Variants in CALD1 observed in about 807,000 individuals in gnomAD.
The protein encoded by CALD1 is caldesmon.
CALD1 carries 33 observed loss-of-function variants against 99.9 expected under a neutral mutation model. The ratio of observed to expected loss-of-function variants is 0.33; its 90% confidence interval spans 0.25 to 0.44. CALD1 has a LOEUF of 0.44. Ranked by LOEUF, CALD1 falls within the 20% of genes least tolerant of loss-of-function variation. CALD1 has a pLI of 1.00. For synonymous variants in CALD1, 310 were observed against 325.0 expected, an observed-to-expected ratio of 0.95 and a Z score of 0.50; for missense variants, 861 against 962.1, an observed-to-expected ratio of 0.89 and a Z score of 1.39.
intron 11 of CALD1, among the ~76,000 whole-genome samples, chr7:134,958,693 GC>G (rs1807976485): frequency 6.6e-6 from 1 of 151,344 alleles, no homozygotes; most frequent in African/African-American, 2.4e-5. Context: ...ACCACACCTG[GC>G]CCCCAATAGT....
rs142210439 is a variant in CALD1, at chr7:134,767,226, CGT to C, written c.-130+22869_-130+22870del. Among the ~76,000 whole-genome samples, 1,273 of 141,464 alleles carry C rather than the reference CGT, an allele frequency of 9.0e-3. 20 individuals are homozygous for C. The highest frequency in any genetic ancestry group is 0.032 in the African/African-American group (1,197 of 37,978). The allele number at this position is 141,464 out of a possible 152,430, so 92.8% of individuals were successfully genotyped here. A position where few individuals can be genotyped will look rare whatever the true frequency, so the allele number is the denominator to read the frequency against. On this transcript the variant is annotated intron_variant, in intron 1 of 13. Coordinates refer to the CALD1 transcript ENST00000417172. ...GTGTGTGTGTGTGTGTGTGTGTGTG[CGT>C]GTGTGACATAAATCCATCAAACCTC...
chr7:134,852,672 G>T (rs1357281964), intron 2 of CALD1, among the ~76,000 whole-genome samples: 1 of 152,158 alleles, frequency 6.6e-6, no homozygotes, highest in Non-Finnish European at 1.5e-5. Context: ...GATCACTTCT[G>T]CTGACAAAGA....
At chr7:134,774,874 T>A (rs1314609858), upstream of CALD1, among the ~76,000 whole-genome samples, 1 of 152,240 alleles carries the variant, frequency 6.6e-6, no homozygotes, top group African/African-American at 2.4e-5. Flanking sequence ...GATTTATTTA[T>A]GATTTTTTTA....
chr7:134,921,723 A>T (rs953999146), intron 3 of CALD1, among the ~76,000 whole-genome samples: 3 of 152,204 alleles, frequency 2.0e-5, no homozygotes, highest in Non-Finnish European at 4.4e-5. Flanking sequence ...GAGACACAAG[A>T]ATTACTTGAA....
At chr7:134,724,224 A>G in the CALD1 span, among the ~76,000 whole-genome samples, 42 of 152,208 alleles carry the variant, frequency 2.8e-4, no homozygotes, top group African/African-American at 9.9e-4. Flanking sequence ...TCCGGAGGTG[A>G]GAGTGAATAC....
At chr7:134,808,045 T>C (rs768303646) in intron 1 of CALD1, among the ~76,000 whole-genome samples, 49 of 151,712 alleles carry the variant, frequency 3.2e-4, no homozygotes, top group Non-Finnish European at 2.5e-4. Flanking sequence ...ATGAAACAAA[T>C]AGGCATAAAA....
intron 3 of CALD1, among the ~76,000 whole-genome samples, chr7:134,899,221 T>C (rs915101037): frequency 6.6e-6 from 1 of 151,806 alleles, no homozygotes. Context: ...TTTTTTTTTT[T>C]TTGAGATAGA....
chr7:134,965,278 C>T (rs781383182), intron 13 of CALD1, 28 bp from the exon 14 acceptor site: 9 of 1,133,952 alleles, frequency 7.9e-6, no homozygotes, highest in African/African-American at 7.6e-5. Flanking sequence ...GGCCACCTAT[C>T]GATGTTTTTC....
chr7:134,772,409 G>C (rs1796884577), intron 1 of CALD1, among the ~76,000 whole-genome samples: 1 of 152,018 alleles, frequency 6.6e-6, no homozygotes, highest in African/African-American at 2.4e-5. Context: ...TGTTCTTTTA[G>C]GCATTTATTT....
At chr7:134,715,210 T>C in the CALD1 span, among the ~76,000 whole-genome samples, 1 of 152,212 alleles carries the variant, frequency 6.6e-6, no homozygotes, top group Non-Finnish European at 1.5e-5. Flanking sequence ...GATTTTAACA[T>C]ACTAGAGACC....
chr7:134,835,777 GA>G (rs1355065099), intron 1 of CALD1, among the ~76,000 whole-genome samples: 2 of 152,100 alleles, frequency 1.3e-5, no homozygotes, highest in Non-Finnish European at 2.9e-5. Context: ...TAGCATTAAA[GA>G]GGTTCAATTT....
chr7:134,849,653 T>G (rs987665674), intron 2 of CALD1, among the ~76,000 whole-genome samples: 1 of 152,182 alleles, frequency 6.6e-6, no homozygotes, highest in Admixed American at 6.5e-5. Context: ...ATTGAATCTA[T>G]GGATGCAGAA....
chr7:134,929,170 T>C lies in CALD1; in HGVS notation c.218+270T>C, dbSNP rs527553987. Among the ~76,000 whole-genome samples the C allele has an allele frequency of 5.9e-5, 9 of 152,316 alleles. No individual in the cohort carries two copies. In the East Asian group the frequency reaches 1.5e-3, roughly 26 times the overall value. On this transcript the variant is annotated intron_variant, in intron 4 of 14. Transcript: ENST00000361675. The stretch of plus-strand genomic sequence containing the variant: ...AAGGCTTTTATTTCATTTCACAATC[T>C]AGCATTTGTTTAATTTAATAAGTAT...
chr7:134,933,743 C>G lies in CALD1; in HGVS notation c.974C>G (p.Ala325Gly). Residue 325 changes from alanine to glycine, a missense_variant, in exon 5 of 15, where the codon GCA becomes GGA. By Grantham distance (60) the Ala-to-Gly change is moderately conservative. Coordinates refer to ENST00000361675, the MANE Select transcript of CALD1 (RefSeq NM_033138.4). ...ERMREEEKRA[A>G]EERQRIKEEE... The stretch of plus-strand genomic sequence containing the variant: ...ATGAGGGAGGAAGAGAAAAGGGCAG[C>G]AGAGGAGAGGCAGAGGATAAAGGAG... 5 of 1,555,336 alleles carry G rather than the reference C, an allele frequency of 3.2e-6. No individual in the cohort carries two copies. The highest frequency in any genetic ancestry group is 4.4e-6 in the Non-Finnish European group (5 of 1,149,180).
At chr7:134,769,638 AT>A (rs927862303) in intron 1 of CALD1, among the ~76,000 whole-genome samples, 53 of 149,614 alleles carry the variant, frequency 3.5e-4, no homozygotes, top group East Asian at 1.8e-3. Flanking sequence ...GATAGTCTAG[AT>A]TTTTTTTTTA....
At chr7:134,946,932 C>G (rs1401574747) in intron 7 of CALD1, among the ~76,000 whole-genome samples, 1 of 152,116 alleles carries the variant, frequency 6.6e-6, no homozygotes, top group Non-Finnish European at 1.5e-5. Flanking sequence ...GGCAATCCGC[C>G]CGCCTCGGCC....
chr7:134,768,763 T>C (rs1325678522), intron 1 of CALD1, among the ~76,000 whole-genome samples: 1 of 152,236 alleles, frequency 6.6e-6, no homozygotes, highest in African/African-American at 2.4e-5. Context: ...AGATGTAATT[T>C]TTTTTCATAA....
chr7:134,857,209 C>T (rs1163567827), intron 2 of CALD1, among the ~76,000 whole-genome samples: 3 of 140,370 alleles, frequency 2.1e-5, no homozygotes, highest in Non-Finnish European at 4.5e-5. Flanking sequence ...CGCTCTGTCA[C>T]CCAGGCTGGA....
At chr7:134,927,596 T>A (rs1586330738) in intron 3 of CALD1, among the ~76,000 whole-genome samples, 2 of 143,548 alleles carry the variant, frequency 1.4e-5, no homozygotes, top group East Asian at 4.4e-4. Flanking sequence ...TATATACACA[T>A]GTGAAGTCCT....
Sources: gnomAD v4.1 joint callset for allele counts (sites outside exome capture counted in the v4.1 genomes callset) on GRCh38, gnomAD v4.1.1 for gene constraint, MANE v1.5 for transcripts, NCBI Gene and HGNC (gene_info 2026-07-23, HGNC 2026-07-21) for gene names.